The following STAU2 variants were observed in gnomAD, a reference collection of about 807,000 sequenced individuals.
STAU2 encodes double-stranded RNA-binding protein Staufen homolog 2.
In STAU2, 20 loss-of-function variants were observed where a neutral mutation model predicts 65.9. The ratio of observed to expected loss-of-function variants is 0.30; its 90% CI spans 0.21 to 0.44. STAU2 has a LOEUF of 0.44. Among genes scored for constraint, STAU2 ranks in the 20% least tolerant of loss-of-function variants. STAU2 has a pLI of 1.00. For synonymous variants in STAU2, 232 were observed against 233.9 expected (o/e 0.99, Z 0.07); for missense variants, 558 against 683.9 (o/e 0.82, Z 2.05).
intron 4 of STAU2, among the ~76,000 whole-genome samples, chr8:73,692,039 G>A (rs960546489): frequency 3.3e-5 from 5 of 152,046 alleles, no homozygotes; most frequent in Admixed American, 2.6e-4. Context: ...GTTAATAATC[G>A]ATCATGCCTA....
intron 12 of STAU2, among the ~76,000 whole-genome samples, chr8:73,575,585 T>A (rs1016881118): frequency 6.6e-6 from 1 of 152,078 alleles, no homozygotes; most frequent in East Asian, 1.9e-4. Flanking sequence ...AATCTAAATA[T>A]CCATCTGTGA....
chr8:73,463,045 C>T (rs1456522946), intron 13 of STAU2, among the ~76,000 whole-genome samples: 1 of 152,240 alleles, frequency 6.6e-6, no homozygotes, highest in East Asian at 1.9e-4. Context: ...TCTCCACTTG[C>T]ACTTCCTGAG....
intron 13 of STAU2, among the ~76,000 whole-genome samples, chr8:73,487,787 C>T (rs1017324894): frequency 6.6e-6 from 1 of 151,814 alleles, no homozygotes; most frequent in Non-Finnish European, 1.5e-5. Context: ...AAAAGAAAAC[C>T]AAAATTTGGG....
At chr8:73,455,838 G>A (rs938264649) in intron 13 of STAU2, among the ~76,000 whole-genome samples, 23 of 152,278 alleles carry the variant, frequency 1.5e-4, no homozygotes, top group Middle Eastern at 3.4e-3. Context: ...GTCAAGGGGG[G>A]TGATGTACAT....
intron 1 of STAU2, among the ~76,000 whole-genome samples, chr8:73,743,879 C>A (rs1358509095): frequency 6.6e-6 from 1 of 151,334 alleles, no homozygotes; most frequent in East Asian, 1.9e-4. Context: ...TCAAGCGATT[C>A]TCCTGCCTCA....
intron 4 of STAU2, chr8:73,697,465 A>C (rs1819763744): frequency 6.6e-6 from 1 of 152,242 alleles, no homozygotes; most frequent in African/African-American, 2.4e-5. Flanking sequence ...GATATTAATG[A>C]AAGAAGAAAT....
At chr8:73,501,164 T>C (rs893029214) in intron 13 of STAU2, among the ~76,000 whole-genome samples, 1 of 151,796 alleles carries the variant, frequency 6.6e-6, no homozygotes, top group African/African-American at 2.4e-5. Flanking sequence ...AAATACTTCT[T>C]TTGTGCAAAC....
At chr8:73,540,628 T>C (rs1806481305) in intron 13 of STAU2, among the ~76,000 whole-genome samples, 1 of 152,242 alleles carries the variant, frequency 6.6e-6, no homozygotes, top group Non-Finnish European at 1.5e-5. Flanking sequence ...TTTAAAAGAA[T>C]TGGTAGAGTT....
chr8:73,678,932 T>C (rs1429175745), intron 5 of STAU2, among the ~76,000 whole-genome samples: 2 of 152,134 alleles, frequency 1.3e-5, no homozygotes, highest in African/African-American at 4.8e-5. Flanking sequence ...ACAGACCACA[T>C]GAGAATGAAA....
At chr8:73,720,003 GGC>G (rs1821526836) in intron 3 of STAU2, among the ~76,000 whole-genome samples, 1 of 152,132 alleles carries the variant, frequency 6.6e-6, no homozygotes, top group African/African-American at 2.4e-5. Context: ...CTCAGGGCTA[GGC>G]ATGATAGCTC....
chr8:73,485,397 T>C (rs1820863112), intron 13 of STAU2, among the ~76,000 whole-genome samples: 1 of 152,028 alleles, frequency 6.6e-6, no homozygotes, highest in Non-Finnish European at 1.5e-5. Flanking sequence ...AATGTAAAAG[T>C]TGGTGCTCTG....
intron 12 of STAU2, among the ~76,000 whole-genome samples, chr8:73,577,439 A>T (rs893219496): frequency 1.4e-5 from 2 of 145,020 alleles, no homozygotes; most frequent in African/African-American, 5.2e-5. Context: ...AAAAAAAAAA[A>T]ATTATATATA....
At chr8:73,446,005 A>G (rs1208676757) in intron 13 of STAU2, among the ~76,000 whole-genome samples, 1 of 152,248 alleles carries the variant, frequency 6.6e-6, no homozygotes, top group Non-Finnish European at 1.5e-5. Context: ...GAAAATTTAT[A>G]TCCATAAAAA....
intron 13 of STAU2, among the ~76,000 whole-genome samples, chr8:73,477,987 T>C (rs1820402169): frequency 1.3e-5 from 2 of 151,878 alleles, no homozygotes; most frequent in Admixed American, 6.6e-5. Flanking sequence ...CAAGTGTCTA[T>C]TGTCTGACAC....
intron 5 of STAU2, among the ~76,000 whole-genome samples, chr8:73,680,154 T>A (rs997992006): frequency 4.3e-5 from 1 of 23,146 alleles, no homozygotes; most frequent in Non-Finnish European, 7.9e-5. Flanking sequence ...GGGGAGGAGG[T>A]GGGAATAGGG....
intron 3 of STAU2, among the ~76,000 whole-genome samples, chr8:73,724,422 C>A (rs1445291774): frequency 6.6e-6 from 1 of 152,058 alleles, no homozygotes; most frequent in African/African-American, 2.4e-5. Context: ...CCTTATGATT[C>A]AACTTTACCA....
At chr8:73,585,271 G>A (rs533429971) in intron 11 of STAU2, among the ~76,000 whole-genome samples, 2 of 152,254 alleles carry the variant, frequency 1.3e-5, no homozygotes, top group African/African-American at 4.8e-5. Context: ...ACCTGAGGTC[G>A]GGAGTTCAAG....
At chr8:73,438,302 A>G (rs1388666222) in intron 13 of STAU2, among the ~76,000 whole-genome samples, 2 of 152,196 alleles carry the variant, frequency 1.3e-5, no homozygotes, top group Admixed American at 1.3e-4. Context: ...TTTCCATGGC[A>G]TGTGTCCCAG....
intron 13 of STAU2, among the ~76,000 whole-genome samples, chr8:73,436,289 G>A (rs1342234754): frequency 6.6e-6 from 1 of 151,678 alleles, no homozygotes; most frequent in Non-Finnish European, 1.5e-5. Flanking sequence ...TCTCTCAGTG[G>A]GTGAGGGATG....
Sources: allele counts gnomAD v4.1 joint callset (sites outside exome capture counted in the v4.1 genomes callset), GRCh38; gene constraint gnomAD v4.1.1; transcripts MANE v1.5; gene names NCBI Gene and HGNC (gene_info 2026-07-23, HGNC 2026-07-21).